Variants in TNKS observed in about 807,000 individuals in gnomAD.
The protein encoded by TNKS is poly [ADP-ribose] polymerase tankyrase-1.
TNKS carries 72 observed loss-of-function variants against 135.8 expected under a neutral mutation model. That is an observed-to-expected ratio of 0.53 (90% confidence interval 0.44 to 0.64). The LOEUF is 0.64. Among genes scored for constraint, TNKS ranks in the 30% least tolerant of loss-of-function variants. The probability of loss-of-function intolerance (pLI) is 0.00; values close to 1 mark genes in which losing one functional copy is unlikely to be tolerated. For missense variants in TNKS, 1,769 were observed against 1,674.0 expected (o/e 1.06, Z -0.99); for synonymous variants, 849 against 649.3 (o/e 1.31, Z -4.68).
intron 1 of TNKS, among the ~76,000 whole-genome samples, chr8:9,564,947 T>C (rs1797468081): frequency 6.6e-6 from 1 of 151,808 alleles, no homozygotes; most frequent in African/African-American, 2.4e-5. Flanking sequence ...AAAAAATGAG[T>C]AGGGTGGGTT....
intron 2 of TNKS, among the ~76,000 whole-genome samples, chr8:9,591,692 T>G (rs577781998): frequency 6.6e-6 from 1 of 152,336 alleles, no homozygotes; most frequent in Admixed American, 6.5e-5. Flanking sequence ...TGAATGCTAT[T>G]TCCCAATCTT....
intron 3 of TNKS, among the ~76,000 whole-genome samples, chr8:9,627,503 C>G (rs1800107370): frequency 6.6e-6 from 1 of 152,100 alleles, no homozygotes; most frequent in Non-Finnish European, 1.5e-5. Context: ...AGTGTCAGGA[C>G]TGATTTGGAG....
chr8:9,706,339 G>A lies in TNKS; in HGVS notation c.1269+86G>A, dbSNP rs905243788. ...TGACTTTCCATACTTTCGGCCTCAT[G>A]AAAGTTTGTTTAGTTCTTTGGGGTT... On this transcript the variant is annotated intron_variant, in intron 7 of 26. Transcript: ENST00000310430. 6.4e-6 allele frequency: 7 copies of A among 1,086,234 alleles called. No homozygotes were observed. In the African/African-American group the frequency reaches 1.0e-4, roughly 15 times the overall value. The allele number at this position is 1,086,234 out of a possible 1,614,324, so 67.3% of individuals were successfully genotyped here.
intron 13 of TNKS, among the ~76,000 whole-genome samples, chr8:9,729,771 C>CTTTTTTTTT (rs763357075): frequency 2.4e-4 from 23 of 95,020 alleles, no homozygotes; most frequent in Admixed American, 4.6e-4. Flanking sequence ...ATATGATATT[C>CTTTTTTTTT]TTTTTTTTTT....
intron 5 of TNKS, among the ~76,000 whole-genome samples, chr8:9,690,119 G>C (rs1030583184): frequency 6.6e-6 from 1 of 152,118 alleles, no homozygotes; most frequent in Non-Finnish European, 1.5e-5. Flanking sequence ...CTCATTCGAT[G>C]ATGAAAACCT....
chr8:9,657,292 C>G (rs1366977464), intron 3 of TNKS, among the ~76,000 whole-genome samples: 2 of 75,902 alleles, frequency 2.6e-5, no homozygotes, highest in African/African-American at 9.4e-5. Flanking sequence ...GCTGGCCGGG[C>G]GGGGGGCCGA....
At position 9,672,997 on chromosome 8, in the gene TNKS, A is replaced by C. The variant is rs1036981404; in HGVS notation, c.995-6954A>C. ...TTTGCAGAAAGTCCCACTGGTTAAC[A>C]GCTTCTAGAGGAACACCTCTTTTAC... On this transcript the variant is annotated intron_variant, in intron 3 of 26. Transcript: ENST00000310430. Among the ~76,000 whole-genome samples, 3 of 152,326 alleles carry C rather than the reference A, an allele frequency of 2.0e-5. No individual in the cohort carries two copies. In the East Asian group the frequency reaches 5.8e-4, roughly 29 times the overall value.
At chr8:9,679,030 A>C (rs929601287) in intron 3 of TNKS, among the ~76,000 whole-genome samples, 13 of 152,154 alleles carry the variant, frequency 8.5e-5, no homozygotes, top group Non-Finnish European at 2.9e-5. Flanking sequence ...AGCTTGCAAA[A>C]GAAATTTGTT....
chr8:9,586,914 G>T (rs1798402811), intron 2 of TNKS, among the ~76,000 whole-genome samples: 1 of 152,066 alleles, frequency 6.6e-6, no homozygotes, highest in East Asian at 1.9e-4. Flanking sequence ...TGAAACAGGA[G>T]TCGGCGTACC....
At chr8:9,649,458 C>G (rs1399348089) in intron 3 of TNKS, among the ~76,000 whole-genome samples, 2 of 152,174 alleles carry the variant, frequency 1.3e-5, no homozygotes, top group East Asian at 1.9e-4. Context: ...TGAATAATAA[C>G]TAATGGTCTT....
intron 17 of TNKS, among the ~76,000 whole-genome samples, chr8:9,744,297 G>C (rs935757962): frequency 6.6e-6 from 1 of 152,130 alleles, no homozygotes; most frequent in African/African-American, 2.4e-5. Context: ...TTACCACAAA[G>C]CATGTAAATT....
At chr8:9,735,536 C>G (rs961362822) in intron 17 of TNKS, 50 bp downstream of exon 17, 1 of 1,454,854 alleles carries the variant, frequency 6.9e-7, no homozygotes, top group Non-Finnish European at 9.7e-7. Context: ...CGCGGTGGCT[C>G]ACGCCTGTAA....
At chr8:9,557,317 C>G (rs949425415) in intron 1 of TNKS, 1 of 151,608 alleles carries the variant, frequency 6.6e-6, no homozygotes, top group Admixed American at 6.6e-5. Flanking sequence ...TGATGTTGTG[C>G]GAGCATTTGG....
chr8:9,748,605 A>C (rs922309055), intron 18 of TNKS, among the ~76,000 whole-genome samples: 6 of 152,218 alleles, frequency 3.9e-5, no homozygotes, highest in Admixed American at 2.0e-4. Context: ...AACTCTGGGC[A>C]GTATTATTTA....
At chr8:9,710,540 T>C (rs1585359589) in intron 11 of TNKS, 3 of 470,706 alleles carry the variant, frequency 6.4e-6, no homozygotes, top group East Asian at 6.3e-5. Context: ...TCCACTTGAA[T>C]AACAGTTTAT....
intron 3 of TNKS, among the ~76,000 whole-genome samples, chr8:9,653,695 A>C (rs549356591): frequency 6.6e-6 from 1 of 152,188 alleles, no homozygotes; most frequent in Non-Finnish European, 1.5e-5. Flanking sequence ...CCCACTTCTC[A>C]GCATCATTAT....
chr8:9,599,140 A>G (rs993285666), intron 2 of TNKS, among the ~76,000 whole-genome samples: 6 of 152,076 alleles, frequency 3.9e-5, no homozygotes, highest in African/African-American at 1.4e-4. Flanking sequence ...AGAAAAAGTA[A>G]TCTACCCCTA....
chr8:9,571,412 A>C (rs1797752777), intron 1 of TNKS, among the ~76,000 whole-genome samples: 1 of 152,154 alleles, frequency 6.6e-6, no homozygotes, highest in African/African-American at 2.4e-5. Context: ...TTGAGGGATG[A>C]TCTGCTTATC....
intron 5 of TNKS, among the ~76,000 whole-genome samples, chr8:9,685,343 C>T (rs936863092): frequency 6.6e-6 from 1 of 152,116 alleles, no homozygotes; most frequent in African/African-American, 2.4e-5. Flanking sequence ...TTTACTCACT[C>T]TCAAATGGAA....
Sources: allele counts gnomAD v4.1 joint callset (sites outside exome capture counted in the v4.1 genomes callset), GRCh38; gene constraint gnomAD v4.1.1; transcripts MANE v1.5; gene names NCBI Gene and HGNC (gene_info 2026-07-23, HGNC 2026-07-21).